Variants in CEP112 observed in about 807,000 individuals in gnomAD.
The protein encoded by CEP112 is centrosomal protein 112.
Under a neutral mutation model 153.0 loss-of-function variants are expected in CEP112, and 127 were observed. The observed-to-expected ratio is 0.83, with a 90% CI of 0.72 to 0.96. The LOEUF is 0.96. Ranked by LOEUF, CEP112 falls within the 40% of genes least tolerant of loss-of-function variation. CEP112 has a pLI of 0.00. For missense variants in CEP112, 1,089 were observed against 1,101.2 expected, an observed-to-expected ratio of 0.99 and a Z score of 0.16; for synonymous variants, 358 against 374.4, an observed-to-expected ratio of 0.96 and a Z score of 0.51.
chr17:66,070,048 G>A, intron 8 of CEP112, 47 bp from the exon 9 acceptor site: 2 of 1,082,730 alleles, frequency 1.8e-6, no homozygotes, highest in Non-Finnish European at 2.8e-6. Context: ...CTTTCCCTTT[G>A]GCAAAAAATA....
intron 1 of CEP112, among the ~76,000 whole-genome samples, chr17:66,188,230 A>G (rs1398635079): frequency 6.7e-6 from 1 of 150,354 alleles, no homozygotes; most frequent in Non-Finnish European, 1.5e-5. Context: ...TCCAAACCCA[A>G]AGTTAGGCAT....
At chr17:66,109,469 TA>T (rs891644592) in intron 6 of CEP112, among the ~76,000 whole-genome samples, 16 of 148,268 alleles carry the variant, frequency 1.1e-4, no homozygotes, top group East Asian at 9.8e-4. Flanking sequence ...AGTATAATAA[TA>T]AAAAAAAAAT....
chr17:66,005,587 C>A, intron 17 of CEP112, 103 bp downstream of exon 17: 4 of 1,355,314 alleles, frequency 3.0e-6, no homozygotes, highest in Non-Finnish European at 3.9e-6. Context: ...GAATCCATAG[C>A]AAAGCTCTTA....
intron 6 of CEP112, among the ~76,000 whole-genome samples, chr17:66,106,582 G>C (rs185269640): frequency 6.6e-6 from 1 of 152,074 alleles, no homozygotes; most frequent in East Asian, 1.9e-4. Flanking sequence ...AACCTACCAA[G>C]AGTGAATAAG....
chr17:65,876,035 AT>A (rs567578763), intron 20 of CEP112, among the ~76,000 whole-genome samples: 33 of 152,066 alleles, frequency 2.2e-4, no homozygotes, highest in African/African-American at 6.0e-4. Flanking sequence ...GCCTCCTAAC[AT>A]TGTTGAGAAT....
intron 20 of CEP112, among the ~76,000 whole-genome samples, chr17:65,868,009 ATATT>A (rs1415744357): frequency 2.6e-5 from 4 of 151,758 alleles, no homozygotes; most frequent in Non-Finnish European, 5.9e-5. Flanking sequence ...ATCGAAGTAT[ATATT>A]TATTATGAGT....
At chr17:65,781,659 T>A (rs1405874509) in intron 21 of CEP112, among the ~76,000 whole-genome samples, 4 of 152,034 alleles carry the variant, frequency 2.6e-5, no homozygotes, top group Non-Finnish European at 5.9e-5. Context: ...AACAGACACA[T>A]CGATTCATGG....
Position 65,927,633 on chromosome 17 carries a change from T to C in CEP112, c.1929A>G (p.Ser643=). Residue 643 remains serine (S), a synonymous_variant, in exon 19 of 27, where the codon TCA becomes TCG. Coordinates refer to ENST00000535342, the MANE Select transcript of CEP112 (RefSeq NM_001199165.4). ...CCTCCAGTTGCCATAAAAACTCCTT[T>C]GATTGTTTCTCACGAAGAGATTTGG... ...TRSKSLREKQ[S]KEFLWQLEDI... is the part of the protein sequence containing the mutation. 6.2e-7 allele frequency: 1 copy of C among 1,602,234 alleles called. No homozygotes were observed. The highest frequency in any genetic ancestry group is 1.7e-4 in the Middle Eastern group (1 of 6,034).
chr17:65,889,512 C>T (rs1475197857), intron 20 of CEP112, among the ~76,000 whole-genome samples: 2 of 152,150 alleles, frequency 1.3e-5, no homozygotes, highest in South Asian at 4.1e-4. Context: ...GCCTCTCTCT[C>T]TTGACCTACC....
rs545977318 is a variant in CEP112, at chr17:66,107,278, G to C, written c.643-10646C>G. Among the ~76,000 whole-genome samples the C allele has an allele frequency of 7.4e-4, 113 of 152,028 alleles. 2 individuals are homozygous for C. Among genetic ancestry groups the C allele is most frequent in the South Asian group, 4.2e-3 (20 of 4,816 alleles). The stretch of plus-strand genomic sequence containing the variant: ...CATTACTGTTATTCAACATAGTACC[G>C]AAAGTCCTAGCTAGAGCAATCAGAC... On this transcript the variant is annotated intron_variant, in intron 6 of 26. Coordinates refer to ENST00000535342, the MANE Select transcript of CEP112 (RefSeq NM_001199165.4).
chr17:65,935,660 C>T lies in CEP112; in HGVS notation c.1873-7971G>A, dbSNP rs569805706. 2.0e-5 allele frequency among the ~76,000 whole-genome samples: 3 copies of T among 151,690 alleles called. No individual in the cohort carries two copies. In the South Asian group the frequency reaches 6.3e-4, roughly 32 times the overall value. ...TATGTGAAAATAACATAATCCTGAA[C>T]AACCAGTAAGTCAAAAAAATCAAAA... On this transcript the variant is annotated intron_variant, in intron 18 of 26. Transcript: ENST00000535342.
At chr17:65,920,282 G>T (rs1047295074) in intron 19 of CEP112, among the ~76,000 whole-genome samples, 1 of 146,374 alleles carries the variant, frequency 6.8e-6, no homozygotes, top group Non-Finnish European at 1.5e-5. Flanking sequence ...GGTGGCAGAG[G>T]TTGCAGTGAG....
intron 8 of CEP112, among the ~76,000 whole-genome samples, chr17:66,089,117 C>T (rs575153203): frequency 6.6e-6 from 1 of 152,286 alleles, no homozygotes; most frequent in Non-Finnish European, 1.5e-5. Flanking sequence ...CTGACCCTGC[C>T]TGGGGACTGT....
At chr17:65,679,896 A>C (rs1334956134) in intron 24 of CEP112, among the ~76,000 whole-genome samples, 1 of 152,228 alleles carries the variant, frequency 6.6e-6, no homozygotes, top group Admixed American at 6.5e-5. Context: ...GAAGGAGCTA[A>C]GGAGCTTCCA....
chr17:65,732,187 T>A (rs1047913502), intron 23 of CEP112, among the ~76,000 whole-genome samples: 2 of 152,240 alleles, frequency 1.3e-5, no homozygotes, highest in Non-Finnish European at 2.9e-5. Flanking sequence ...ATGGATGCTG[T>A]GTTAGCAGGC....
intron 23 of CEP112, among the ~76,000 whole-genome samples, chr17:65,689,632 T>A (rs2047999342): frequency 1.3e-5 from 2 of 152,162 alleles, no homozygotes; most frequent in Non-Finnish European, 2.9e-5. Flanking sequence ...AGCATAACAT[T>A]TTTCAAAATT....
chr17:65,890,258 G>A (rs1409479386), intron 20 of CEP112, among the ~76,000 whole-genome samples: 1 of 152,190 alleles, frequency 6.6e-6, no homozygotes, highest in Non-Finnish European at 1.5e-5. Flanking sequence ...TGGCAGCACA[G>A]ACAGTATAAA....
At chr17:65,763,059 A>G (rs1421859260) in intron 21 of CEP112, among the ~76,000 whole-genome samples, 1 of 152,016 alleles carries the variant, frequency 6.6e-6, no homozygotes, top group Non-Finnish European at 1.5e-5. Context: ...TTTTTGAAGA[A>G]TAATTTTTCG....
chr17:65,869,762 T>G (rs547539738), intron 20 of CEP112, among the ~76,000 whole-genome samples: 2 of 151,758 alleles, frequency 1.3e-5, no homozygotes, highest in African/African-American at 4.8e-5. Flanking sequence ...TTTTTTTGTA[T>G]TTTTAGTAGA....
Sources: gnomAD v4.1 joint callset for allele counts (sites outside exome capture counted in the v4.1 genomes callset) on GRCh38, gnomAD v4.1.1 for gene constraint, MANE v1.5 for transcripts, NCBI Gene and HGNC (gene_info 2026-07-23, HGNC 2026-07-21) for gene names.